The following CHKB variants were observed in gnomAD, a reference collection of about 807,000 sequenced individuals.
CHKB encodes choline kinase beta.
Under a neutral mutation model 57.3 loss-of-function variants are expected in CHKB, and 45 were observed. The ratio of observed to expected loss-of-function variants is 0.79; its 90% confidence interval spans 0.62 to 1.01. CHKB has a LOEUF of 1.01. CHKB is among the 50% of genes least tolerant of loss of function. The pLI is 0.00. For missense variants in CHKB, 517 were observed against 502.8 expected (o/e 1.03, Z -0.27); for synonymous variants, 224 against 201.8 (o/e 1.11, Z -0.93).
At chr22:50,579,317 A>T (rs1314116660) in intron 10 of CHKB, 62 bp from the exon 11 acceptor site, 1 of 1,592,978 alleles carries the variant, frequency 6.3e-7, no homozygotes, top group African/African-American at 1.3e-5. Context: ...TTCTACATCC[A>T]CCTCAGGCTG....
Position 50,582,310 on chromosome 22 carries a change from A to G in CHKB, c.272T>C (p.Leu91Pro). The G allele has an allele frequency of 6.3e-7, 1 of 1,590,144 alleles. No individual in the cohort carries two copies. The highest frequency in any genetic ancestry group is 8.5e-7 in the Non-Finnish European group (1 of 1,170,866). Residue 91 changes from leucine to proline, a missense_variant, in exon 2 of 11, where the codon CTG becomes CCG. Transcript: ENST00000406938. ...LLFRCSLPDHLPSVGEEPREV... is the reference protein window; with the variant it reads ...LLFRCSLPDHPPSVGEEPREV... Reference sequence around the variant, plus strand: ...CCGGGGCTCCTCGCCAACGCTGGGCAGGTGGTCCGGGAGCGAGCAGCGGAA... The same window carrying G: ...CCGGGGCTCCTCGCCAACGCTGGGCGGGTGGTCCGGGAGCGAGCAGCGGAA...
intron 3 of CHKB, 84 bp downstream of exon 3, chr22:50,581,665 G>C: frequency 6.3e-7 from 1 of 1,579,382 alleles, no homozygotes; most frequent in Admixed American, 1.7e-5. Flanking sequence ...TGGGGTGAGG[G>C]ATGTGGAGGC....
rs775361553 is a variant in CHKB at position 50,581,417 on chromosome 22, C to G, written c.581+3G>C. ...AGGAGCCCTGAGGAGGCTCCTGACT[C>G]ACCGCTCCATGGTCCCAAACAGCCA... On this transcript the variant is annotated splice_donor_region_variant and intron_variant, in intron 4 of 10. Coordinates refer to ENST00000406938, the MANE Select transcript of CHKB (RefSeq NM_005198.5). The G allele has an allele frequency of 6.2e-7, 1 of 1,613,052 alleles. No homozygotes were observed. Among genetic ancestry groups the G allele is most frequent in the Non-Finnish European group, 8.5e-7 (1 of 1,179,876 alleles).
chr22:50,579,390 C>T, intron 10 of CHKB, 36 bp downstream of exon 10: 1 of 1,601,084 alleles, frequency 6.2e-7, no homozygotes, highest in Non-Finnish European at 8.5e-7. Flanking sequence ...GCTCCCCAGC[C>T]CCCCAGCTAG....
rs1277092011 is a variant in CHKB, at chr22:50,582,541, G to A, written c.224+17C>T. 2 of 1,599,796 alleles carry A rather than the reference G, an allele frequency of 1.3e-6. No individual in the cohort carries two copies. The highest frequency in any genetic ancestry group is 1.4e-5 in the African/African-American group (1 of 73,962). On this transcript the variant is annotated intron_variant, in intron 1 of 10. Transcript: ENST00000406938. ...CCCCGATCCGCGCACCGGAGAGGCT[G>A]ACCCCTGACCTCCCACCTCACGGGG...
chr22:50,580,782 TTTC>T (rs2070676050), intron 4 of CHKB, 122 bp from the exon 5 acceptor site: 2 of 880,796 alleles, frequency 2.3e-6, no homozygotes, highest in South Asian at 2.8e-5. Context: ...CCGGCAATCA[TTTC>T]TTTTTTTCTT....
rs1354857402 is a variant in CHKB, at chr22:50,579,744, C to G, written c.1014G>C (p.Leu338Phe). 18 of 1,614,118 alleles carry G rather than the reference C, an allele frequency of 1.1e-5. No individual in the cohort carries two copies. The highest frequency in any genetic ancestry group is 1.4e-5 in the Non-Finnish European group (17 of 1,179,994). ...TTCCTCACCGACTGACTTCTACCAG[C>G]AAATCTTCTTCCAGTTTTCTCTGCT... ...QEEQRKLEEDLLVEVSRYALA... is the reference protein window; with the variant it reads ...QEEQRKLEEDFLVEVSRYALA... The change falls in exon 9 of 11, where the codon TTG (leucine) becomes TTC (phenylalanine). Residue 338 changes from leucine (L) to phenylalanine (F), a missense_variant. Transcript: ENST00000406938.
chr22:50,579,263 A>G lies in CHKB; in HGVS notation c.1114-8T>C. On this transcript the variant is annotated splice_polypyrimidine_tract_variant and splice_region_variant and intron_variant, in intron 10 of 10. Coordinates refer to ENST00000406938, the MANE Select transcript of CHKB (RefSeq NM_005198.5). ...CCGAGACTGGGCATAGTCCTAGGGA[A>G]GGAAACCCACCCCACACAGTGGTGA... The G allele has an allele frequency of 1.2e-6, 2 of 1,613,452 alleles. No individual in the cohort carries two copies. Among genetic ancestry groups the G allele is most frequent in the Non-Finnish European group, 1.7e-6 (2 of 1,179,720 alleles).
Position 50,580,374 on chromosome 22 carries a change from G to C in CHKB, c.720C>G (p.His240Gln). ...TTCTCCTACCTTCCTGGATGTCATT[G>C]TGGCAGAAGACGACTGGCGATGGGG... is the stretch of plus-strand genomic sequence containing the variant. ...ESTPSPVVFC[H>Q]NDIQEGNILL... The change falls in exon 6 of 11, where the codon CAC becomes CAG. Residue 240 changes from histidine to glutamine, a missense_variant. Coordinates refer to ENST00000406938, the MANE Select transcript of CHKB (RefSeq NM_005198.5). 1.2e-6 allele frequency: 2 copies of C among 1,614,034 alleles called. No homozygotes were observed. The highest frequency in any genetic ancestry group is 1.7e-6 in the Non-Finnish European group (2 of 1,180,038).
In CHKB at chr22:50,580,654, T is replaced by G; in HGVS notation, c.588A>C (p.Leu196=). 1.9e-6 allele frequency: 3 copies of G among 1,614,000 alleles called. No homozygotes were observed. The highest frequency in any genetic ancestry group is 2.5e-6 in the Non-Finnish European group (3 of 1,179,988). ...TTGGGGGCAGGTCCTGGATCTGTTT[T>G]AGGTACCTGAAGCCCAAAGAATAGG... is the stretch of plus-strand genomic sequence containing the variant. The part of the protein sequence containing the change: ...HWLFGTMERY[L]KQIQDLPPTG... Residue 196 remains leucine (L), a synonymous_variant, in exon 5 of 11, where the codon CTA becomes CTC. Coordinates refer to ENST00000406938, the MANE Select transcript of CHKB (RefSeq NM_005198.5).
At position 50,582,572 on chromosome 22, in the gene CHKB, C is replaced by T. The variant is rs778353288; in HGVS notation, c.210G>A (p.Arg70=). The part of the protein sequence containing the change: ...AWRRVQPEEL[R]VYPVSGGLSN... ...TGACCTCCCACCTCACGGGGTAAAC[C>T]CTCAGCTCCTCGGGCTGCACTCGGC... The change falls in exon 1 of 11, where the codon AGG becomes AGA. Residue 70 remains arginine (R), a synonymous_variant. Transcript: ENST00000406938. The T allele has an allele frequency of 1.9e-6, 3 of 1,609,892 alleles. No individual in the cohort carries two copies. Among genetic ancestry groups the T allele is most frequent in the Middle Eastern group, 1.7e-4 (1 of 6,048 alleles).
chr22:50,581,374 G>A (rs1348517950), intron 4 of CHKB, 46 bp downstream of exon 4: 2 of 1,609,334 alleles, frequency 1.2e-6, no homozygotes, highest in Non-Finnish European at 1.7e-6. Flanking sequence ...CTGGCATGGA[G>A]GTTCAGCTCA....
intron 5 of CHKB, 23 bp downstream of exon 5, chr22:50,580,542 A>T (rs1380487926): frequency 3.7e-6 from 6 of 1,613,338 alleles, no homozygotes; most frequent in Non-Finnish European, 5.1e-6. Flanking sequence ...CATTACCATT[A>T]GCCTTGTCCT....
chr22:50,578,990 T>G lies in CHKB; in HGVS notation c.*191A>C. ...GGAAGAAGAAGCTTGTTTATTGTGT[T>G]ACATACACAGCACGGGGCTCTGGCC... On this transcript the variant is annotated 3_prime_UTR_variant, in exon 11 of 11. Coordinates refer to ENST00000406938, the MANE Select transcript of CHKB (RefSeq NM_005198.5). The G allele has an allele frequency of 1.5e-6, 1 of 652,386 alleles. No individual in the cohort carries two copies. Among genetic ancestry groups the G allele is most frequent in the Non-Finnish European group, 2.8e-6 (1 of 358,266 alleles). 40.4% of individuals were successfully genotyped at this position (652,386 alleles called of 1,614,324 possible).
chr22:50,581,307 G>A, intron 4 of CHKB, 113 bp downstream of exon 4: 8 of 1,373,088 alleles, frequency 5.8e-6, no homozygotes, highest in Non-Finnish European at 8.1e-6. Context: ...TTCTGTGACA[G>A]CCCATGACAT....
chr22:50,581,354 G>A (rs950143564), intron 4 of CHKB, 66 bp downstream of exon 4: 11 of 1,598,156 alleles, frequency 6.9e-6, no homozygotes, highest in Admixed American at 5.1e-5. Context: ...TAGAGCCCCC[G>A]ACACATCCGC....
Position 50,582,661 on chromosome 22 carries a change from G to A in CHKB, c.121C>T (p.Leu41=). 2 of 1,608,468 alleles carry A rather than the reference G, an allele frequency of 1.2e-6. No homozygotes were observed. Among genetic ancestry groups the A allele is most frequent in the Non-Finnish European group, 1.7e-6 (2 of 1,178,504 alleles). The change falls in exon 1 of 11, where the codon CTG becomes TTG. Residue 41 remains leucine (L), a synonymous_variant. Coordinates refer to ENST00000406938, the MANE Select transcript of CHKB (RefSeq NM_005198.5). Reference sequence around the variant, plus strand: ...GCTCGGCGCTCGGCGTCACGCGACAGCGACGAGGCGCGCCGCCGTTTTGGG... The same window carrying A: ...GCTCGGCGCTCGGCGTCACGCGACAACGACGAGGCGCGCCGCCGTTTTGGG... ...TTPKRRRASS[L]SRDAERRAYQ...
intron 4 of CHKB, 96 bp downstream of exon 4, chr22:50,581,324 C>T: frequency 6.7e-7 from 1 of 1,488,990 alleles, no homozygotes. Context: ...ACATCAGATC[C>T]ACTCAAGTGG....
chr22:50,580,706 A>G lies in CHKB; in HGVS notation c.582-46T>C, dbSNP rs780606441. 1.0e-5 allele frequency: 16 copies of G among 1,571,998 alleles called. No homozygotes were observed. The East Asian group carries it at 3.4e-4, about 33-fold the overall frequency. On this transcript the variant is annotated intron_variant, in intron 4 of 10. Transcript: ENST00000406938. ...TACACTGGCTCTGCTATTCTTTCCC[A>G]CCCCTCGCCTATCTACCCCTCAGGC...
Sources: allele counts gnomAD v4.1 joint callset, GRCh38; gene constraint gnomAD v4.1.1; transcripts MANE v1.5; gene names NCBI Gene and HGNC (gene_info 2026-07-23, HGNC 2026-07-21).